The following SNX14 variants were observed in gnomAD, a reference collection of about 807,000 sequenced individuals.
SNX14 encodes the protein sorting nexin-14.
Under a neutral mutation model 133.8 loss-of-function variants are expected in SNX14, and 93 were observed. That is an observed-to-expected ratio of 0.70 (90% CI 0.59 to 0.83). The LOEUF is 0.83. Among genes scored for constraint, SNX14 ranks in the 40% least tolerant of loss-of-function variants. SNX14 has a pLI of 0.00. For missense variants in SNX14, 945 were observed against 1,094.9 expected (o/e 0.86, Z 1.93); for synonymous variants, 368 against 365.6 (o/e 1.01, Z -0.07).
At chr6:85,553,939 T>TC (rs1788754546) in intron 7 of SNX14, among the ~76,000 whole-genome samples, 1 of 152,126 alleles carries the variant, frequency 6.6e-6, no homozygotes. Flanking sequence ...TCAGCACCTG[T>TC]CAGACATAAG....
intron 15 of SNX14, among the ~76,000 whole-genome samples, chr6:85,539,437 C>G (rs994786116): frequency 6.6e-6 from 1 of 152,016 alleles, no homozygotes; most frequent in African/African-American, 2.4e-5. Flanking sequence ...AACAAAAGAT[C>G]TCTAAATATT....
In SNX14 at chr6:85,570,418, TA is replaced by T. The variant is rs528114505; in HGVS notation, c.417+1718del. Among the ~76,000 whole-genome samples, 14 of 152,340 alleles carry T rather than the reference TA, an allele frequency of 9.2e-5. No homozygotes were observed. In the South Asian group the frequency reaches 2.9e-3, roughly 32 times the overall value. ...AACTTCGCACTCTCCAACAGAAATA[TA>T]ATGTAAGTTACCCATTAATTTTAAA... On this transcript the variant is annotated intron_variant, in intron 4 of 28. Coordinates refer to ENST00000314673, the MANE Select transcript of SNX14 (RefSeq NM_153816.6).
intron 21 of SNX14, among the ~76,000 whole-genome samples, chr6:85,522,208 A>G (rs985379169): frequency 2.0e-5 from 3 of 152,194 alleles, no homozygotes; most frequent in African/African-American, 7.2e-5. Context: ...CATTCTGCAG[A>G]GCCATGCTCA....
intron 12 of SNX14, 135 bp downstream of exon 12, chr6:85,546,977 A>AG: frequency 1.5e-6 from 1 of 683,948 alleles, no homozygotes. Flanking sequence ...AAAAAAAAAA[A>AG]AAAAAAAGGA....
intron 22 of SNX14, 50 bp from the exon 23 acceptor site, chr6:85,517,925 G>A (rs758986332): frequency 1.2e-5 from 19 of 1,578,418 alleles, no homozygotes; most frequent in African/African-American, 2.7e-5. Context: ...GTAATTTTTA[G>A]TACATAATCC....
intron 21 of SNX14, among the ~76,000 whole-genome samples, chr6:85,519,725 C>T (rs1315912421): frequency 5.9e-5 from 9 of 151,888 alleles, no homozygotes; most frequent in African/African-American, 1.9e-4. Context: ...AAAAATTAGC[C>T]GGACGTGGTG....
chr6:85,549,860 TA>T lies in SNX14; in HGVS notation c.653del (p.Leu218TyrfsTer6). On this transcript the variant is annotated frameshift_variant, in exon 8 of 29. Coordinates refer to ENST00000314673, the MANE Select transcript of SNX14 (RefSeq NM_153816.6). LOFTEE classifies it high-confidence loss of function. ...ARQKVKNTEF[L>X]QQAALEEYGP... ...CATATTCTTCTAAAGCAGCTTGCTGTAAAAACTCTGTATTTTTTACTATAGA... is the reference window on the plus strand; with the variant it reads ...CATATTCTTCTAAAGCAGCTTGCTGTAAAACTCTGTATTTTTTACTATAGA... 1 of 1,607,178 alleles carries T rather than the reference TA, an allele frequency of 6.2e-7. No individual in the cohort carries two copies. Among genetic ancestry groups the T allele is most frequent in the Non-Finnish European group, 8.5e-7 (1 of 1,177,918 alleles).
intron 1 of SNX14, among the ~76,000 whole-genome samples, chr6:85,584,254 T>A (rs980737144): frequency 6.6e-6 from 1 of 152,126 alleles, no homozygotes; most frequent in African/African-American, 2.4e-5. Flanking sequence ...CAAATAAAGA[T>A]GGATTAAACA....
intron 17 of SNX14, among the ~76,000 whole-genome samples, chr6:85,535,984 A>C (rs1023249950): frequency 2.0e-5 from 3 of 152,208 alleles, no homozygotes; most frequent in African/African-American, 7.2e-5. Flanking sequence ...CTATTCAATA[A>C]AAATAAAAAG....
intron 21 of SNX14, 67 bp downstream of exon 21, chr6:85,526,058 TA>T: frequency 9.6e-7 from 1 of 1,046,776 alleles, no homozygotes; most frequent in Non-Finnish European, 1.4e-6. Flanking sequence ...TATATTTTTC[TA>T]AGTTAATCTG....
At position 85,514,103 on chromosome 6, in the gene SNX14, G is replaced by A. The variant is rs773582903; in HGVS notation, c.2524C>T (p.His842Tyr). ...QCKLEQLFQE[H>Y]RLVSLITLLR... Reference sequence around the variant, plus strand: ...AGTGTTATGAGTGAGACCAAACGGTGCTCCTGAAATAGCTGTTCTAGTTTA... The same window carrying A: ...AGTGTTATGAGTGAGACCAAACGGTACTCCTGAAATAGCTGTTCTAGTTTA... Residue 842 changes from histidine (H) to tyrosine (Y), a missense_variant, in exon 25 of 29, where the codon CAC (histidine) becomes TAC (tyrosine). By Grantham distance (83) the His-to-Tyr change is moderately conservative (BLOSUM62 2). Coordinates refer to ENST00000314673, the MANE Select transcript of SNX14 (RefSeq NM_153816.6). 5 of 1,613,388 alleles carry A rather than the reference G, an allele frequency of 3.1e-6. No individual in the cohort carries two copies. The highest frequency in any genetic ancestry group is 3.4e-6 in the Non-Finnish European group (4 of 1,179,810).
At chr6:85,510,899 G>A (rs1316717648) in intron 26 of SNX14, among the ~76,000 whole-genome samples, 1 of 152,140 alleles carries the variant, frequency 6.6e-6, no homozygotes, top group Non-Finnish European at 1.5e-5. Flanking sequence ...TATTGAGTTG[G>A]CTATTCTGGG....
Position 85,593,735 on chromosome 6 carries a change from C to A in SNX14, c.-17G>T. 6.2e-7 allele frequency: 1 copy of A among 1,613,184 alleles called. No individual in the cohort carries two copies. Among genetic ancestry groups the A allele is most frequent in the Non-Finnish European group, 8.5e-7 (1 of 1,179,888 alleles). ...GGGCACCATCTCCGTAACGGCGAGG[C>A]CGAGACTGCGCTACTGGCTGAGGCA... On this transcript the variant is annotated 5_prime_UTR_variant, in exon 1 of 29. Transcript: ENST00000314673.
chr6:85,555,360 A>T lies in SNX14; in HGVS notation c.634+2616T>A, dbSNP rs1040855918. 2.0e-5 allele frequency among the ~76,000 whole-genome samples: 3 copies of T among 152,242 alleles called. No homozygotes were observed. In the East Asian group the frequency reaches 5.8e-4, roughly 29 times the overall value. On this transcript the variant is annotated intron_variant, in intron 7 of 28. Coordinates refer to ENST00000314673, the MANE Select transcript of SNX14 (RefSeq NM_153816.6). ...TCCTTCAATTGGTGAATGGATAAAC[A>T]AAGTGCGGTATATCCGTACAATGGA...
At chr6:85,506,511 T>A (rs1012414304) in intron 28 of SNX14, among the ~76,000 whole-genome samples, 2 of 151,994 alleles carry the variant, frequency 1.3e-5, no homozygotes, top group Non-Finnish European at 2.9e-5. Context: ...AGAGACAGGG[T>A]TTCACCGTGT....
At chr6:85,555,437 G>A (rs1439669125) in intron 7 of SNX14, among the ~76,000 whole-genome samples, 1 of 152,114 alleles carries the variant, frequency 6.6e-6, no homozygotes, top group Non-Finnish European at 1.5e-5. Flanking sequence ...AAAAGATAGA[G>A]GTTAAATGTA....
chr6:85,540,705 T>C (rs1406643172), intron 15 of SNX14, among the ~76,000 whole-genome samples: 1 of 152,224 alleles, frequency 6.6e-6, no homozygotes, highest in Admixed American at 6.5e-5. Context: ...CCATAACACT[T>C]GGTTACGTCA....
chr6:85,574,227 G>T, intron 2 of SNX14, 31 bp downstream of exon 2: 1 of 1,515,340 alleles, frequency 6.6e-7, no homozygotes, highest in South Asian at 1.3e-5. Context: ...CATATACATT[G>T]ATTCTTAACA....
intron 7 of SNX14, among the ~76,000 whole-genome samples, chr6:85,554,287 A>G (rs1237741746): frequency 1.3e-5 from 2 of 151,796 alleles, no homozygotes; most frequent in Non-Finnish European, 1.5e-5. Context: ...ATATATTCAT[A>G]TATTTCATAT....
Sources: gnomAD v4.1 joint callset for allele counts (sites outside exome capture counted in the v4.1 genomes callset) on GRCh38, gnomAD v4.1.1 for gene constraint, MANE v1.5 for transcripts, NCBI Gene and HGNC (gene_info 2026-07-23, HGNC 2026-07-21) for gene names.